The following KIAA1549L variants were observed in gnomAD, a reference collection of about 807,000 sequenced individuals.
The protein encoded by KIAA1549L is KIAA1549 like.
In KIAA1549L, 88 loss-of-function variants were observed where a neutral mutation model predicts 160.7. The observed-to-expected ratio is 0.55, with a 90% CI of 0.46 to 0.65. KIAA1549L has a LOEUF of 0.65. Ranked by LOEUF, KIAA1549L falls within the 30% of genes least tolerant of loss-of-function variation. KIAA1549L has a pLI of 0.00. For synonymous variants in KIAA1549L, 950 were observed against 976.7 expected (o/e 0.97, Z 0.51); for missense variants, 2,258 against 2,437.5 (o/e 0.93, Z 1.55).
chr11:33,407,761 T>A (rs1850697656), intron 1 of KIAA1549L, among the ~76,000 whole-genome samples: 1 of 151,844 alleles, frequency 6.6e-6, no homozygotes, highest in African/African-American at 2.4e-5. Flanking sequence ...GTGAAGCAGA[T>A]GGCTTTACAA....
chr11:33,560,072 G>A (rs1854794493), intron 7 of KIAA1549L, among the ~76,000 whole-genome samples, 161 bp downstream of exon 7: 1 of 152,178 alleles, frequency 6.6e-6, no homozygotes, highest in African/African-American at 2.4e-5. Flanking sequence ...GGATTAAGGA[G>A]GCAGATGGAT....
Position 33,554,256 on chromosome 11 carries a change from A to G in KIAA1549L, c.3855+2015A>G, listed in dbSNP as rs577091976. Among the ~76,000 whole-genome samples the G allele has an allele frequency of 1.5e-3, 230 of 152,340 alleles. 3 individuals carry two copies. The highest frequency in any genetic ancestry group is 5.4e-3 in the African/African-American group (223 of 41,580). On this transcript the variant is annotated intron_variant, in intron 6 of 20. Coordinates refer to ENST00000658780, the MANE Select transcript of KIAA1549L (RefSeq NM_012194.3). ...CTTGAATCCTTTGTAGAATAAGACC[A>G]TGTAAATATTTAATTAATTTGCTCA...
intron 12 of KIAA1549L, among the ~76,000 whole-genome samples, chr11:33,598,160 G>A (rs1468174047): frequency 1.3e-5 from 2 of 151,098 alleles, no homozygotes; most frequent in Non-Finnish European, 2.9e-5. Context: ...GGTAGCAGTT[G>A]CCACAGTTAG....
chr11:33,438,426 C>T (rs1317487135), intron 1 of KIAA1549L, among the ~76,000 whole-genome samples: 11 of 152,186 alleles, frequency 7.2e-5, no homozygotes, highest in Admixed American at 1.3e-4. Flanking sequence ...GGAACTGCCT[C>T]GAAAGAATCT....
chr11:33,544,712 A>C, intron 2 of KIAA1549L, 55 bp from the exon 3 acceptor site: 1 of 1,536,044 alleles, frequency 6.5e-7, no homozygotes, highest in Non-Finnish European at 8.8e-7. Flanking sequence ...TCATCAGAAC[A>C]AGTGACACGT....
intron 16 of KIAA1549L, among the ~76,000 whole-genome samples, chr11:33,627,881 G>T (rs1851164016): frequency 6.6e-6 from 1 of 150,828 alleles, no homozygotes; most frequent in South Asian, 2.1e-4. Context: ...TGATGTTAGG[G>T]TGTCAATTTT....
chr11:33,515,524 C>T (rs1853324082), intron 1 of KIAA1549L, among the ~76,000 whole-genome samples: 1 of 152,234 alleles, frequency 6.6e-6, no homozygotes, highest in Non-Finnish European at 1.5e-5. Context: ...AGAGCAGATG[C>T]TCAGCCATGG....
At chr11:33,470,363 A>G (rs1590269036) in intron 1 of KIAA1549L, among the ~76,000 whole-genome samples, 2 of 152,126 alleles carry the variant, frequency 1.3e-5, no homozygotes, top group Non-Finnish European at 2.9e-5. Flanking sequence ...GTTCTATTAC[A>G]TTGATCTCAT....
intron 13 of KIAA1549L, among the ~76,000 whole-genome samples, chr11:33,601,223 G>T (rs1850352188): frequency 6.6e-6 from 1 of 152,134 alleles, no homozygotes. Context: ...CAGTGAATTT[G>T]GGGGGCTGGT....
chr11:33,570,984 A>G (rs1855233908), intron 9 of KIAA1549L, among the ~76,000 whole-genome samples: 1 of 151,844 alleles, frequency 6.6e-6, no homozygotes, highest in Non-Finnish European at 1.5e-5. Flanking sequence ...TCACAAACTG[A>G]CTCCTAGAAA....
chr11:33,471,439 A>T (rs997505924), intron 1 of KIAA1549L, among the ~76,000 whole-genome samples: 1 of 152,124 alleles, frequency 6.6e-6, no homozygotes, highest in Non-Finnish European at 1.5e-5. Flanking sequence ...TGGAGTAATC[A>T]TGTAGGGCAT....
chr11:33,655,356 T>C (rs1018144519), intron 17 of KIAA1549L, among the ~76,000 whole-genome samples: 1 of 152,218 alleles, frequency 6.6e-6, no homozygotes, highest in South Asian at 2.1e-4. Context: ...TCACCTGAGT[T>C]GCTGAAGGAC....
chr11:33,529,480 T>G (rs796499179), intron 1 of KIAA1549L, among the ~76,000 whole-genome samples: 15 of 152,338 alleles, frequency 9.8e-5, no homozygotes, highest in African/African-American at 3.4e-4. Flanking sequence ...CAAATACTCT[T>G]AAAGGATGAA....
Position 33,544,148 on chromosome 11 carries a change from C to A in KIAA1549L, c.2585C>A (p.Ser862Ter). The A allele has an allele frequency of 6.2e-7, 1 of 1,614,016 alleles. No homozygotes were observed. The highest frequency in any genetic ancestry group is 8.5e-7 in the Non-Finnish European group (1 of 1,179,894). The part of the protein sequence containing the change: ...TSTGSLQEML[S>*]DGTDTGSEIS... ...ACAGGTAGCTTGCAGGAAATGCTTT[C>A]AGATGGAACAGATACAGGTTCTGAA... The change falls in exon 2 of 21, where the codon TCA becomes TAA. Residue 862 changes from serine (S) to a stop codon, truncating the protein, a stop_gained. Transcript: ENST00000658780. LOFTEE classifies it high-confidence loss of function.
intron 5 of KIAA1549L, 98 bp from the exon 6 acceptor site, chr11:33,552,010 C>A: frequency 7.4e-7 from 1 of 1,358,624 alleles, no homozygotes; most frequent in Non-Finnish European, 1.0e-6. Context: ...TAATTCCTCT[C>A]ATCTAAAATC....
At chr11:33,507,764 G>A (rs1263968564) in intron 1 of KIAA1549L, among the ~76,000 whole-genome samples, 1 of 152,098 alleles carries the variant, frequency 6.6e-6, no homozygotes, top group Admixed American at 6.5e-5. Context: ...TTCTTTATAT[G>A]CTATCTCAAA....
At chr11:33,395,863 C>T (rs746295872) in intron 1 of KIAA1549L, among the ~76,000 whole-genome samples, 2 of 152,016 alleles carry the variant, frequency 1.3e-5, no homozygotes, top group African/African-American at 4.8e-5. Flanking sequence ...GACATCTTTT[C>T]GCCGTACTCA....
intron 1 of KIAA1549L, among the ~76,000 whole-genome samples, chr11:33,405,471 A>G (rs2134075507): frequency 6.6e-6 from 1 of 151,922 alleles, no homozygotes; most frequent in East Asian, 1.9e-4. Flanking sequence ...TTCCAGATTC[A>G]ATATCCTCTA....
At chr11:33,413,438 TAAAAAAA>T (rs11342768) in intron 1 of KIAA1549L, among the ~76,000 whole-genome samples, 1 of 139,628 alleles carries the variant, frequency 7.2e-6, no homozygotes, top group Non-Finnish European at 1.5e-5. Flanking sequence ...ACCCTGTCTT[TAAAAAAA>T]AAAAAAAAAG....
Sources: gnomAD v4.1 joint callset for allele counts (sites outside exome capture counted in the v4.1 genomes callset) on GRCh38, gnomAD v4.1.1 for gene constraint, MANE v1.5 for transcripts, NCBI Gene and HGNC (gene_info 2026-07-23, HGNC 2026-07-21) for gene names.